The following PCSK6 variants were observed in gnomAD, a reference collection of about 807,000 sequenced individuals.
PCSK6 encodes paired basic amino acid cleaving enzyme 4.
Under a neutral mutation model 123.3 loss-of-function variants are expected in PCSK6, and 85 were observed. That is an observed-to-expected ratio of 0.69 (90% CI 0.58 to 0.83). The LOEUF (loss-of-function observed/expected upper bound fraction) is 0.83. PCSK6 is among the 40% of genes least tolerant of loss of function. The pLI is 0.00. For synonymous variants in PCSK6, 508 were observed against 516.0 expected (o/e 0.98, Z 0.21); for missense variants, 1,191 against 1,282.3 (o/e 0.93, Z 1.09).
chr15:101,428,538 T>C (rs1430967408), intron 5 of PCSK6, among the ~76,000 whole-genome samples: 3 of 152,206 alleles, frequency 2.0e-5, no homozygotes, highest in Admixed American at 6.5e-5. Flanking sequence ...AAGAACGCTC[T>C]AAATTAAACA....
chr15:101,463,774 C>T (rs1327086971), intron 1 of PCSK6, among the ~76,000 whole-genome samples: 2 of 152,096 alleles, frequency 1.3e-5, no homozygotes, highest in South Asian at 4.1e-4. Flanking sequence ...GTGTGGGGTG[C>T]CCACTGGGAG....
intron 17 of PCSK6, among the ~76,000 whole-genome samples, chr15:101,324,538 C>G (rs1227817258): frequency 6.6e-6 from 1 of 152,242 alleles, no homozygotes; most frequent in Non-Finnish European, 1.5e-5. Context: ...CTGGCCCTAG[C>G]CACCTCTCTG....
chr15:101,370,565 T>C (rs1440736059), intron 11 of PCSK6, 42 bp from the exon 12 acceptor site: 17 of 1,402,446 alleles, frequency 1.2e-5, no homozygotes, highest in Admixed American at 8.4e-5. Flanking sequence ...ACCGGAAGCA[T>C]GAAGTCTCAC....
intron 6 of PCSK6, among the ~76,000 whole-genome samples, chr15:101,402,001 G>A (rs550402995): frequency 1.2e-3 from 177 of 151,906 alleles, no homozygotes; most frequent in Middle Eastern, 3.4e-3. Context: ...GAGGCATCAC[G>A]CTACCTGACT....
chr15:101,410,266 G>T (rs1162168372), intron 6 of PCSK6, among the ~76,000 whole-genome samples: 1 of 152,160 alleles, frequency 6.6e-6, no homozygotes, highest in Admixed American at 6.5e-5. Flanking sequence ...CAGCAGGAAG[G>T]GCTTGCCATG....
At chr15:101,484,583 G>T (rs989722592) in intron 1 of PCSK6, among the ~76,000 whole-genome samples, 4 of 151,760 alleles carry the variant, frequency 2.6e-5, no homozygotes, top group African/African-American at 9.7e-5. Flanking sequence ...TAGAGACAGG[G>T]TTTCACCATG....
intron 13 of PCSK6, among the ~76,000 whole-genome samples, chr15:101,360,679 C>T (rs1305395625): frequency 7.3e-6 from 1 of 136,826 alleles, no homozygotes; most frequent in Non-Finnish European, 1.6e-5. Flanking sequence ...TGCCCGGGGG[C>T]CTTAGCATCC....
chr15:101,412,306 A>C (rs1312860217), intron 6 of PCSK6, among the ~76,000 whole-genome samples: 1 of 152,160 alleles, frequency 6.6e-6, no homozygotes, highest in Non-Finnish European at 1.5e-5. Flanking sequence ...GAAGATCTCA[A>C]ATGCATAAAG....
intron 2 of PCSK6, among the ~76,000 whole-genome samples, chr15:101,441,906 T>C (rs1385050133): frequency 6.6e-6 from 1 of 152,202 alleles, no homozygotes; most frequent in East Asian, 1.9e-4. Context: ...ACCTCTTTCC[T>C]AGCTTAGAAT....
chr15:101,435,679 G>A (rs576658972), intron 2 of PCSK6, among the ~76,000 whole-genome samples: 1 of 152,316 alleles, frequency 6.6e-6, no homozygotes, highest in African/African-American at 2.4e-5. Flanking sequence ...AGACAGGTGC[G>A]CAGCAACACT....
At chr15:101,486,367 G>A in intron 1 of PCSK6, among the ~76,000 whole-genome samples, 1 of 152,206 alleles carries the variant, frequency 6.6e-6, no homozygotes, top group East Asian at 1.9e-4. Context: ...CAAGAATGAA[G>A]AATGGTTTCT....
At chr15:101,436,063 G>C (rs117744537) in intron 2 of PCSK6, among the ~76,000 whole-genome samples, 3,553 of 152,254 alleles carry the variant, frequency 0.023, 67 homozygotes, top group South Asian at 0.063. Context: ...ATGAGCCAGT[G>C]TCACCAAAGA....
intron 1 of PCSK6, among the ~76,000 whole-genome samples, chr15:101,486,288 T>C (rs1196373879): frequency 6.6e-6 from 1 of 152,204 alleles, no homozygotes; most frequent in Non-Finnish European, 1.5e-5. Flanking sequence ...CTTCTAAATA[T>C]TTTATGTTTC....
chr15:101,409,714 A>G (rs2042889936), intron 6 of PCSK6, among the ~76,000 whole-genome samples: 1 of 152,132 alleles, frequency 6.6e-6, no homozygotes, highest in Admixed American at 6.5e-5. Context: ...AAAGGGTAGA[A>G]GCCTGGTAAA....
chr15:101,317,928 G>C (rs976326232), intron 19 of PCSK6, among the ~76,000 whole-genome samples: 1 of 152,198 alleles, frequency 6.6e-6, no homozygotes, highest in Non-Finnish European at 1.5e-5. Context: ...GAGTTCCTGG[G>C]CTCGAGCTGT....
intron 1 of PCSK6, among the ~76,000 whole-genome samples, chr15:101,485,145 T>C (rs2057989877): frequency 6.6e-6 from 1 of 152,216 alleles, no homozygotes; most frequent in Non-Finnish European, 1.5e-5. Flanking sequence ...AAATGGTATC[T>C]CATCGTTGCC....
intron 15 of PCSK6, among the ~76,000 whole-genome samples, chr15:101,327,270 G>A (rs868197437): frequency 2.6e-5 from 4 of 152,140 alleles, no homozygotes; most frequent in Non-Finnish European, 5.9e-5. Flanking sequence ...AACTGCAGGC[G>A]AGCTGAGTAG....
intron 8 of PCSK6, 68 bp from the exon 9 acceptor site, chr15:101,389,632 G>C: frequency 7.7e-7 from 1 of 1,290,862 alleles, no homozygotes. Context: ...GGAGAAGGCT[G>C]GGCTACTTCA....
chr15:101,481,852 C>T (rs1003797308), intron 1 of PCSK6, among the ~76,000 whole-genome samples: 1 of 152,206 alleles, frequency 6.6e-6, no homozygotes, highest in Non-Finnish European at 1.5e-5. Flanking sequence ...GTTTGAGTGG[C>T]TTCCTAGAAG....
Sources: allele counts gnomAD v4.1 joint callset (sites outside exome capture counted in the v4.1 genomes callset), GRCh38; gene constraint gnomAD v4.1.1; transcripts MANE v1.5; gene names NCBI Gene and HGNC (gene_info 2026-07-23, HGNC 2026-07-21).